SIGLEC15: variants seen among roughly 807,000 people sequenced by gnomAD.
SIGLEC15 encodes sialic acid-binding Ig-like lectin 15.
Under a neutral mutation model 26.2 loss-of-function variants are expected in SIGLEC15, and 31 were observed. That is an observed-to-expected ratio of 1.18 (90% CI 0.89 to 1.60). The LOEUF (loss-of-function observed/expected upper bound fraction) is 1.60, where lower values mean the gene tolerates loss of function less well. Among genes scored for constraint, SIGLEC15 ranks in the 40% most tolerant of loss-of-function variants. SIGLEC15 has a pLI of 0.00. For synonymous variants in SIGLEC15, 207 were observed against 221.9 expected, an observed-to-expected ratio of 0.93 and a Z score of 0.60; for missense variants, 501 against 488.4, an observed-to-expected ratio of 1.03 and a Z score of -0.24.
Position 45,837,009 on chromosome 18 carries a change from T to C in SIGLEC15, c.53-20T>C, listed in dbSNP as rs9950673. 8.2e-7 allele frequency: 1 copy of C among 1,218,120 alleles called. No individual in the cohort carries two copies. The allele number at this position is 1,218,120 out of a possible 1,614,324, so 75.5% of individuals were successfully genotyped here. A position where few individuals can be genotyped will look rare whatever the true frequency, so the allele number is the denominator to read the frequency against. On this transcript the variant is annotated intron_variant, in intron 1 of 5. Transcript: ENST00000389474. ...CAGTTTATTCACGTGTAACCCGGGG[T>C]TAACTGTGTTTATCTGTAGGCTCAT...
At position 45,825,677 on chromosome 18, in the gene SIGLEC15, T is replaced by C; in HGVS notation, c.-52T>C. ...CCACCACGCCTGGGAGGGCCCTCAC[T>C]GGGGAGGTGGCCGAGAGCGGGTCTG... On this transcript the variant is annotated 5_prime_UTR_variant, in exon 1 of 6. Coordinates refer to ENST00000389474, the MANE Select transcript of SIGLEC15 (RefSeq NM_213602.3). 1 of 1,596,426 alleles carries C rather than the reference T, an allele frequency of 6.3e-7. No homozygotes were observed. The highest frequency in any genetic ancestry group is 1.7e-5 in the Admixed American group (1 of 59,836).
In SIGLEC15 at chr18:45,839,303, A is replaced by G. The variant is rs2048305154; in HGVS notation, c.874+208A>G. On this transcript the variant is annotated intron_variant, in intron 4 of 5. Transcript: ENST00000389474. The stretch of plus-strand genomic sequence containing the variant: ...TTTTGCAATAAGGAAGCTGAGGCTC[A>G]GAGAGGTTAAGTAACCTGCCTTTTG... 3.3e-5 allele frequency among the ~76,000 whole-genome samples: 5 copies of G among 152,340 alleles called. No individual in the cohort carries two copies. The South Asian group carries it at 1.0e-3, about 32-fold the overall frequency.
rs772104675 is a variant in SIGLEC15, at chr18:45,839,099, G to T, written c.874+4G>T. ...CGCGCTGCCCGCCGCCGCCCAGGTG[G>T]GTGCGCCCCAGACACGGGTGGCCGC... On this transcript the variant is annotated splice_donor_region_variant and intron_variant, in intron 4 of 5. Coordinates refer to ENST00000389474, the MANE Select transcript of SIGLEC15 (RefSeq NM_213602.3). 147 of 1,391,872 alleles carry T rather than the reference G, an allele frequency of 1.1e-4. No individual in the cohort carries two copies. Among genetic ancestry groups the T allele is most frequent in the Non-Finnish European group, 1.3e-4 (139 of 1,085,004 alleles). The allele number at this position is 1,391,872 out of a possible 1,614,324, so 86.2% of individuals were successfully genotyped here.
chr18:45,840,366 G>A, intron 5 of SIGLEC15, 125 bp downstream of exon 5: 1 of 1,110,712 alleles, frequency 9.0e-7, no homozygotes. Context: ...TTTGACCAGG[G>A]GCTGGGCCTT....
chr18:45,827,893 A>G (rs1002406010), intron 1 of SIGLEC15, among the ~76,000 whole-genome samples: 4 of 152,242 alleles, frequency 2.6e-5, no homozygotes, highest in African/African-American at 9.6e-5. Flanking sequence ...CACATGTTCA[A>G]AAACAAACGC....
Position 45,839,102 on chromosome 18 carries a change from G to A in SIGLEC15, c.874+7G>A. 1 of 1,390,960 alleles carries A rather than the reference G, an allele frequency of 7.2e-7. No homozygotes were observed. Among genetic ancestry groups the A allele is most frequent in the Non-Finnish European group, 9.2e-7 (1 of 1,084,422 alleles). The allele number at this position is 1,390,960 out of a possible 1,614,324, so 86.2% of individuals were successfully genotyped here. On this transcript the variant is annotated splice_region_variant and intron_variant, in intron 4 of 5. Coordinates refer to ENST00000389474, the MANE Select transcript of SIGLEC15 (RefSeq NM_213602.3). ...GCTGCCCGCCGCCGCCCAGGTGGGT[G>A]CGCCCCAGACACGGGTGGCCGCGAG... is the stretch of plus-strand genomic sequence containing the variant.
chr18:45,837,587 C>T lies in SIGLEC15; in HGVS notation c.187C>T (p.Pro63Ser). ...SAEAGDAAVL[P>S]CTFTHPHRHY... Reference sequence around the variant, plus strand: ...GGAGGCAGGCGACGCGGCAGTGCTGCCCTGCACCTTCACGCACCCGCACCG... The same window carrying T: ...GGAGGCAGGCGACGCGGCAGTGCTGTCCTGCACCTTCACGCACCCGCACCG... Residue 63 changes from proline to serine, a missense_variant, in exon 3 of 6, where the codon CCC becomes TCC. By Grantham distance (74) the Pro-to-Ser change is moderately conservative. Coordinates refer to ENST00000389474, the MANE Select transcript of SIGLEC15 (RefSeq NM_213602.3). 6.6e-7 allele frequency: 1 copy of T among 1,513,664 alleles called. No homozygotes were observed. Among genetic ancestry groups the T allele is most frequent in the East Asian group, 2.6e-5 (1 of 38,332 alleles). The allele number at this position is 1,513,664 out of a possible 1,614,324, so 93.8% of individuals were successfully genotyped here. A position where few individuals can be genotyped will look rare whatever the true frequency, so the allele number is the denominator to read the frequency against.
Position 45,839,015 on chromosome 18 carries a change from C to T in SIGLEC15, c.794C>T (p.Ala265Val), listed in dbSNP as rs1221111798. 4 of 1,586,862 alleles carry T rather than the reference C, an allele frequency of 2.5e-6. No individual in the cohort carries two copies. Among genetic ancestry groups the T allele is most frequent in the African/African-American group, 1.4e-5 (1 of 72,274 alleles). The change falls in exon 4 of 6, where the codon GCC becomes GTC. Residue 265 changes from alanine to valine, a missense_variant. Transcript: ENST00000389474. ...FHGASGASTV[A>V]LLLGALGFKA... is the part of the protein sequence containing the mutation. ...GGCGCCAGCGGGGCCTCGACGGTCGCCCTCCTGCTCGGCGCTCTCGGCTTC... is the reference window on the plus strand; with the variant it reads ...GGCGCCAGCGGGGCCTCGACGGTCGTCCTCCTGCTCGGCGCTCTCGGCTTC...
Position 45,838,779 on chromosome 18 carries a change from C to T in SIGLEC15, c.558C>T (p.Leu186=). 6.4e-7 allele frequency: 1 copy of T among 1,570,530 alleles called. No individual in the cohort carries two copies. The highest frequency in any genetic ancestry group is 1.1e-5 in the South Asian group (1 of 87,070). ...GTCCGGCTCACGCCTTCCGCGCGCTCTGCACTGCCGAAGGGGAGCCGCCGC... is the reference window on the plus strand; with the variant it reads ...GTCCGGCTCACGCCTTCCGCGCGCTTTGCACTGCCGAAGGGGAGCCGCCGC... ...LPSPAHAFRA[L]CTAEGEPPPA... is the part of the protein sequence containing the mutation. Residue 186 remains leucine (L), a synonymous_variant, in exon 4 of 6, where the codon CTC becomes CTT. Transcript: ENST00000389474.
At chr18:45,833,084 T>C (rs896771729) in intron 1 of SIGLEC15, among the ~76,000 whole-genome samples, 1 of 152,032 alleles carries the variant, frequency 6.6e-6, no homozygotes, top group Non-Finnish European at 1.5e-5. Flanking sequence ...AGACCTGCCA[T>C]TTGCAGCACA....
At chr18:45,838,636 G>T in intron 3 of SIGLEC15, 82 bp from the exon 4 acceptor site, 1 of 1,443,094 alleles carries the variant, frequency 6.9e-7, no homozygotes, top group South Asian at 1.4e-5. Context: ...CTTCTGACCA[G>T]CCCCCACCCC....
Position 45,837,612 on chromosome 18 carries a change from G to A in SIGLEC15, c.212G>A (p.Arg71His). The A allele has an allele frequency of 6.6e-7, 1 of 1,509,686 alleles. No individual in the cohort carries two copies. 93.5% of individuals were successfully genotyped at this position (1,509,686 alleles called of 1,614,324 possible). The change falls in exon 3 of 6, where the codon CGC (arginine) becomes CAC (histidine). Residue 71 changes from arginine to histidine, a missense_variant. Transcript: ENST00000389474. Reference protein sequence around the residue: ...VLPCTFTHPHRHYDGPLTAIW... With the variant: ...VLPCTFTHPHHHYDGPLTAIW... Reference sequence around the variant, plus strand: ...CCCTGCACCTTCACGCACCCGCACCGCCACTACGACGGGCCGCTGACGGCC... The same window carrying A: ...CCCTGCACCTTCACGCACCCGCACCACCACTACGACGGGCCGCTGACGGCC...
chr18:45,829,241 G>A (rs1325093693), intron 1 of SIGLEC15: 1 of 799,622 alleles, frequency 1.3e-6, no homozygotes, highest in South Asian at 5.7e-5. Flanking sequence ...GGGTTAAAGG[G>A]GAAGCCAGAT....
chr18:45,844,060 C>A lies in SIGLEC15; in HGVS notation c.*1873C>A, dbSNP rs527383249. ...TCCACGAATGAATGAAGAAAATGAA[C>A]ACACAATGAAATATTCAGCCATAAA... On this transcript the variant is annotated 3_prime_UTR_variant, in exon 6 of 6. Transcript: ENST00000389474. The A allele has an allele frequency of 3.3e-5, 5 of 150,938 alleles. No individual in the cohort carries two copies. The highest frequency in any genetic ancestry group is 1.2e-4 in the African/African-American group (5 of 40,694). The allele number at this position is 150,938 out of a possible 1,614,324, so 9.3% of individuals were successfully genotyped here. A position where few individuals can be genotyped will look rare whatever the true frequency, so the allele number is the denominator to read the frequency against.
At position 45,837,892 on chromosome 18, in the gene SIGLEC15, G is replaced by A; in HGVS notation, c.492G>A (p.Val164=). 2 of 1,512,204 alleles carry A rather than the reference G, an allele frequency of 1.3e-6. No homozygotes were observed. The highest frequency in any genetic ancestry group is 1.8e-6 in the Non-Finnish European group (2 of 1,141,354). 93.7% of individuals were successfully genotyped at this position (1,512,204 alleles called of 1,614,324 possible). Residue 164 remains valine, a synonymous_variant, in exon 3 of 6, where the codon GTG becomes GTA. Transcript: ENST00000389474. ...YESRHGVRLH[V]TAAPRIVNIS... Reference sequence around the variant, plus strand: ...GCCGCCACGGCGTCCGGCTGCACGTGACAGGCGAGGCGGCGTGGGAGCGGG... The same window carrying A: ...GCCGCCACGGCGTCCGGCTGCACGTAACAGGCGAGGCGGCGTGGGAGCGGG...
At chr18:45,835,489 T>C (rs2048269290) in intron 1 of SIGLEC15, among the ~76,000 whole-genome samples, 1 of 151,950 alleles carries the variant, frequency 6.6e-6, no homozygotes, top group Non-Finnish European at 1.5e-5. Context: ...TGGCTAGAGA[T>C]TAGGCAGCTC....
At chr18:45,828,221 C>T (rs1338260891) in intron 1 of SIGLEC15, among the ~76,000 whole-genome samples, 2 of 152,196 alleles carry the variant, frequency 1.3e-5, no homozygotes, top group African/African-American at 4.8e-5. Context: ...AGTCGTGGTC[C>T]CTTCCCTAGC....
rs78530686 is a variant in SIGLEC15, at chr18:45,837,787, C to G, written c.387C>G (p.Val129=). ...GCCGCAACGACCTCTCGCTGCGCGT[C>G]GAGCGCCTCGCCCTGGCTGACGACC... The part of the protein sequence containing the change: ...NPRRNDLSLR[V]ERLALADDRR... The change falls in exon 3 of 6, where the codon GTC becomes GTG. Residue 129 remains valine, a synonymous_variant. Coordinates refer to ENST00000389474, the MANE Select transcript of SIGLEC15 (RefSeq NM_213602.3). 0.14 allele frequency: 211,044 copies of G among 1,522,336 alleles called. 19,572 individuals are homozygous for G. The highest frequency in any genetic ancestry group is 0.4 in the Admixed American group (20,678 of 51,320). The allele number at this position is 1,522,336 out of a possible 1,614,324, so 94.3% of individuals were successfully genotyped here. A position where few individuals can be genotyped will look rare whatever the true frequency, so the allele number is the denominator to read the frequency against.
intron 1 of SIGLEC15, among the ~76,000 whole-genome samples, chr18:45,831,572 C>G (rs1261263790): frequency 6.6e-6 from 1 of 152,190 alleles, no homozygotes; most frequent in East Asian, 1.9e-4. Flanking sequence ...CAGCACCCAG[C>G]AGAGTCTCTA....
Sources: allele counts gnomAD v4.1 joint callset (sites outside exome capture counted in the v4.1 genomes callset), GRCh38; gene constraint gnomAD v4.1.1; transcripts MANE v1.5; gene names NCBI Gene and HGNC (gene_info 2026-07-23, HGNC 2026-07-21).